The following DPP10 variants were observed in gnomAD, a reference collection of about 807,000 sequenced individuals.
The protein encoded by DPP10 is dipeptidyl peptidase like 10, also known as inactive dipeptidyl peptidase 10.
Under a neutral mutation model 120.9 loss-of-function variants are expected in DPP10, and 33 were observed. That is an observed-to-expected ratio of 0.27 (90% CI 0.21 to 0.37). The LOEUF (loss-of-function observed/expected upper bound fraction) is 0.37. Ranked by LOEUF, DPP10 falls within the 10% of genes least tolerant of loss-of-function variation. DPP10 has a pLI of 1.00. For synonymous variants in DPP10, 337 were observed against 326.1 expected (o/e 1.03, Z -0.36); for missense variants, 816 against 942.8 (o/e 0.87, Z 1.76).
At chr2:115,348,766 A>G (rs2063840415) in intron 3 of DPP10, among the ~76,000 whole-genome samples, 1 of 152,146 alleles carries the variant, frequency 6.6e-6, no homozygotes, top group Non-Finnish European at 1.5e-5. Context: ...ACATACCATC[A>G]TGTAATGAGA....
intron 1 of DPP10, among the ~76,000 whole-genome samples, chr2:114,829,055 G>A (rs901082419): frequency 3.9e-5 from 6 of 152,090 alleles, no homozygotes; most frequent in African/African-American, 4.8e-5. Context: ...TTGGGAGACC[G>A]AGGAGAGTGG....
intron 1 of DPP10, among the ~76,000 whole-genome samples, chr2:114,903,653 C>T (rs549090250): frequency 6.6e-6 from 1 of 152,250 alleles, no homozygotes; most frequent in Admixed American, 6.5e-5. Context: ...TGACCTTTGT[C>T]TCCACAAAAT....
At chr2:114,857,151 T>G (rs1167023899) in intron 1 of DPP10, among the ~76,000 whole-genome samples, 2 of 152,198 alleles carry the variant, frequency 1.3e-5, no homozygotes, top group Non-Finnish European at 2.9e-5. Context: ...CTTCCCGGCC[T>G]CATTGTTAAT....
intron 1 of DPP10, among the ~76,000 whole-genome samples, chr2:114,581,682 C>T (rs1690538891): frequency 6.6e-6 from 1 of 152,116 alleles, no homozygotes; most frequent in African/African-American, 2.4e-5. Context: ...ATCTTCCTAA[C>T]TAATGAGCTA....
At chr2:115,808,216 G>T (rs1265860560) in intron 19 of DPP10, among the ~76,000 whole-genome samples, 1 of 152,202 alleles carries the variant, frequency 6.6e-6, no homozygotes, top group Non-Finnish European at 1.5e-5. Context: ...AGCCAGCGAA[G>T]ATTTATTTAT....
At chr2:115,496,387 G>T (rs1411424364) in intron 3 of DPP10, among the ~76,000 whole-genome samples, 1 of 151,946 alleles carries the variant, frequency 6.6e-6, no homozygotes, top group East Asian at 1.9e-4. Flanking sequence ...ATTCTCTGTA[G>T]ATTTTTCTCA....
chr2:115,029,514 G>A (rs1196099664), intron 1 of DPP10, among the ~76,000 whole-genome samples: 1 of 151,184 alleles, frequency 6.6e-6, no homozygotes, highest in Non-Finnish European at 1.5e-5. Context: ...AGGTCTAATA[G>A]TGGTATATTT....
At chr2:115,156,085 A>G (rs907269271) in intron 1 of DPP10, among the ~76,000 whole-genome samples, 1 of 152,226 alleles carries the variant, frequency 6.6e-6, no homozygotes, top group Admixed American at 6.5e-5. Context: ...ATAACAAGGG[A>G]TATACACTAG....
At chr2:115,812,453 G>A (rs1435023666) in intron 19 of DPP10, among the ~76,000 whole-genome samples, 1 of 151,900 alleles carries the variant, frequency 6.6e-6, no homozygotes, top group East Asian at 1.9e-4. Context: ...GGATCAACTG[G>A]GCAACTGAAA....
At chr2:115,550,394 C>T (rs1159609177) in intron 5 of DPP10, among the ~76,000 whole-genome samples, 1 of 152,030 alleles carries the variant, frequency 6.6e-6, no homozygotes, top group Admixed American at 6.6e-5. Flanking sequence ...ATCTCTGAAA[C>T]ATGTTTTCAG....
intron 1 of DPP10, among the ~76,000 whole-genome samples, chr2:114,869,319 C>T (rs1273017753): frequency 1.3e-5 from 2 of 152,044 alleles, no homozygotes; most frequent in South Asian, 2.1e-4. Context: ...GTTTATTGCG[C>T]ACTGTTTGTT....
At chr2:115,536,280 T>C (rs1443318954) in intron 5 of DPP10, among the ~76,000 whole-genome samples, 1 of 152,006 alleles carries the variant, frequency 6.6e-6, no homozygotes, top group African/African-American at 2.4e-5. Context: ...TAACACAGTT[T>C]ACTATCATGA....
intron 1 of DPP10, among the ~76,000 whole-genome samples, chr2:114,450,631 G>A (rs1430581182): frequency 6.6e-6 from 1 of 151,356 alleles, no homozygotes; most frequent in African/African-American, 2.4e-5. Flanking sequence ...CTGTTACTTT[G>A]AAATATGCAA....
intron 5 of DPP10, among the ~76,000 whole-genome samples, chr2:115,673,243 G>A (rs1266286455): frequency 2.0e-5 from 3 of 152,010 alleles, no homozygotes; most frequent in South Asian, 2.1e-4. Flanking sequence ...AGCCAAATGC[G>A]ATTTTATTAT....
At chr2:115,166,477 CTTA>C (rs1426485155) in intron 1 of DPP10, among the ~76,000 whole-genome samples, 3 of 118,026 alleles carry the variant, frequency 2.5e-5, no homozygotes, top group African/African-American at 6.8e-5. Context: ...CCCTGAATTT[CTTA>C]TTTTTATATG....
rs139068503 is a variant in DPP10, at chr2:115,374,412, T to G, written c.271+30500T>G. ...CTGTGGCTCTGCAGGATACAGCCCT[T>G]TGGCTGCTTTCATAGGCTGGCAATG... On this transcript the variant is annotated intron_variant, in intron 3 of 25. Coordinates refer to ENST00000410059, the MANE Select transcript of DPP10 (RefSeq NM_020868.6). 4.0e-3 allele frequency among the ~76,000 whole-genome samples: 608 copies of G among 152,330 alleles called. 4 individuals are homozygous for G. Among genetic ancestry groups the G allele is most frequent in the African/African-American group, 0.014 (595 of 41,584 alleles).
intron 2 of DPP10, among the ~76,000 whole-genome samples, chr2:115,319,891 C>T (rs962816556): frequency 1.3e-5 from 2 of 152,098 alleles, no homozygotes; most frequent in Non-Finnish European, 2.9e-5. Context: ...AGACAGCCTT[C>T]CCTTCAATCC....
intron 5 of DPP10, among the ~76,000 whole-genome samples, chr2:115,637,042 A>G (rs1230401490): frequency 2.6e-5 from 4 of 152,174 alleles, no homozygotes; most frequent in African/African-American, 9.6e-5. Flanking sequence ...ACTTTTCCTG[A>G]GGGTAAAATA....
intron 3 of DPP10, among the ~76,000 whole-genome samples, chr2:115,493,326 G>C (rs373393169): frequency 9.2e-5 from 14 of 152,000 alleles, no homozygotes; most frequent in African/African-American, 3.4e-4. Flanking sequence ...ATGGAATTTT[G>C]AGGGAGAGTA....
Sources: gnomAD v4.1 joint callset for allele counts (sites outside exome capture counted in the v4.1 genomes callset) on GRCh38, gnomAD v4.1.1 for gene constraint, MANE v1.5 for transcripts, NCBI Gene and HGNC (gene_info 2026-07-23, HGNC 2026-07-21) for gene names.